Variants in MYO3B observed in about 807,000 individuals in gnomAD.
MYO3B encodes the protein myosin IIIB.
MYO3B carries 156 observed loss-of-function variants against 174.6 expected under a neutral mutation model. That is an observed-to-expected ratio of 0.89 (90% CI 0.78 to 1.02). The LOEUF (loss-of-function observed/expected upper bound fraction) is 1.02, where lower values mean the gene tolerates loss of function less well. Ranked by LOEUF, MYO3B falls within the 50% of genes least tolerant of loss-of-function variation. The pLI, the probability that MYO3B is intolerant of heterozygous loss-of-function variation, is 0.00. For missense variants in MYO3B, 1,632 were observed against 1,639.4 expected, an observed-to-expected ratio of 1.00 and a Z score of 0.08; for synonymous variants, 563 against 569.1, an observed-to-expected ratio of 0.99 and a Z score of 0.15.
At chr2:170,306,501 G>A (rs2093701624) in intron 7 of MYO3B, among the ~76,000 whole-genome samples, 1 of 152,098 alleles carries the variant, frequency 6.6e-6, no homozygotes, top group Admixed American at 6.6e-5. Flanking sequence ...AGTGTGTGTG[G>A]GTGATGATAT....
intron 32 of MYO3B, among the ~76,000 whole-genome samples, chr2:170,599,173 C>G (rs11892134): frequency 0.028 from 4,258 of 152,276 alleles, 154 homozygotes; most frequent in African/African-American, 0.087. Flanking sequence ...TCATTGTGTT[C>G]CTAGTCATTC....
At chr2:170,615,349 C>G (rs1168924893) in intron 32 of MYO3B, among the ~76,000 whole-genome samples, 2 of 152,206 alleles carry the variant, frequency 1.3e-5, no homozygotes, top group Non-Finnish European at 2.9e-5. Flanking sequence ...AAGAAAATCA[C>G]TTGTATAGAA....
intron 8 of MYO3B, among the ~76,000 whole-genome samples, chr2:170,364,988 C>G (rs955306600): frequency 4.6e-5 from 7 of 152,202 alleles, no homozygotes; most frequent in African/African-American, 1.7e-4. Context: ...CATTGCCGGT[C>G]TGGCTCCCCA....
At chr2:170,406,663 A>G (rs753283062) in intron 21 of MYO3B, among the ~76,000 whole-genome samples, 1 of 138,896 alleles carries the variant, frequency 7.2e-6, no homozygotes, top group Non-Finnish European at 1.6e-5. Context: ...TTTTATAACT[A>G]TGTCCTACCC....
chr2:170,197,691 G>A (rs1018518233), intron 1 of MYO3B, among the ~76,000 whole-genome samples: 24 of 150,428 alleles, frequency 1.6e-4, no homozygotes, highest in African/African-American at 5.2e-4. Flanking sequence ...AAACAAATTC[G>A]GAACCTCCAG....
intron 29 of MYO3B, among the ~76,000 whole-genome samples, chr2:170,519,036 C>G (rs555501085): frequency 6.6e-6 from 1 of 152,304 alleles, no homozygotes; most frequent in Admixed American, 6.5e-5. Context: ...ACATTTTGCT[C>G]CTTGCCCTAT....
intron 25 of MYO3B, among the ~76,000 whole-genome samples, chr2:170,495,478 CA>C (rs1686805815): frequency 6.6e-6 from 1 of 151,830 alleles, no homozygotes; most frequent in Non-Finnish European, 1.5e-5. Context: ...ATATTATTAT[CA>C]TAATAAATTA....
At chr2:170,479,040 T>C (rs1207528954) in intron 25 of MYO3B, among the ~76,000 whole-genome samples, 1 of 150,448 alleles carries the variant, frequency 6.6e-6, no homozygotes, top group African/African-American at 2.4e-5. Flanking sequence ...TCCCAACACT[T>C]TGGGAGGCCG....
At chr2:170,283,861 T>C (rs2093533107) in intron 7 of MYO3B, among the ~76,000 whole-genome samples, 2 of 152,374 alleles carry the variant, frequency 1.3e-5, no homozygotes, top group South Asian at 4.1e-4. Context: ...ATAAGTTGCA[T>C]ACTGATTCTG....
At chr2:170,308,172 T>C (rs189718493) in intron 7 of MYO3B, among the ~76,000 whole-genome samples, 145 of 152,304 alleles carry the variant, frequency 9.5e-4, no homozygotes, top group Admixed American at 3.3e-3. Flanking sequence ...AACCCCATTG[T>C]CTCAGAACAT....
chr2:170,180,760 G>A (rs1285767978), intron 1 of MYO3B, among the ~76,000 whole-genome samples: 1 of 152,066 alleles, frequency 6.6e-6, no homozygotes, highest in Non-Finnish European at 1.5e-5. Context: ...CTGGAAAAAT[G>A]TATATAAGGA....
At position 170,183,339 on chromosome 2, in the gene MYO3B, G is replaced by C. The variant is rs139980472; in HGVS notation, c.2+5050G>C. Among the ~76,000 whole-genome samples the C allele has an allele frequency of 1.5e-3, 221 of 152,226 alleles. 2 individuals carry two copies. Among genetic ancestry groups the C allele is most frequent in the African/African-American group, 4.9e-3 (204 of 41,540 alleles). Reference sequence around the variant, plus strand: ...GTAAGGTTTTCTATCCAAGCATAAGGTATATGGTTTTGCATTTTTTTGGTC... The same window carrying C: ...GTAAGGTTTTCTATCCAAGCATAAGCTATATGGTTTTGCATTTTTTTGGTC... On this transcript the variant is annotated intron_variant, in intron 1 of 34. Transcript: ENST00000408978.
At chr2:170,224,059 G>A (rs1317652744) in intron 6 of MYO3B, among the ~76,000 whole-genome samples, 1 of 152,192 alleles carries the variant, frequency 6.6e-6, no homozygotes, top group Non-Finnish European at 1.5e-5. Flanking sequence ...GACAAGCAGG[G>A]ATGGCCAGTG....
intron 32 of MYO3B, among the ~76,000 whole-genome samples, chr2:170,587,933 T>C (rs538356434): frequency 1.3e-4 from 20 of 152,326 alleles, no homozygotes; most frequent in Admixed American, 3.3e-4. Flanking sequence ...GAGCAAATTT[T>C]CAGTATGGAT....
At chr2:170,513,869 G>A (rs934860) in intron 28 of MYO3B, among the ~76,000 whole-genome samples, 1 of 151,872 alleles carries the variant, frequency 6.6e-6, no homozygotes, top group Non-Finnish European at 1.5e-5. Context: ...ACCAGAAGGA[G>A]GGAGAAAGAC....
chr2:170,545,651 T>C (rs1690432357), intron 32 of MYO3B, among the ~76,000 whole-genome samples: 1 of 152,192 alleles, frequency 6.6e-6, no homozygotes, highest in Admixed American at 6.5e-5. Flanking sequence ...GAAAGTATCT[T>C]AAAAAGTCAA....
At chr2:170,603,495 G>A (rs73978734) in intron 32 of MYO3B, among the ~76,000 whole-genome samples, 4,652 of 152,038 alleles carry the variant, frequency 0.031, 257 homozygotes, top group African/African-American at 0.11. Flanking sequence ...CATTATTCCT[G>A]TGGCATTGAT....
At chr2:170,300,442 G>C (rs916908643) in intron 7 of MYO3B, among the ~76,000 whole-genome samples, 7 of 152,042 alleles carry the variant, frequency 4.6e-5, no homozygotes, top group Admixed American at 3.3e-4. Flanking sequence ...CCTTATTATA[G>C]TGCATATATT....
chr2:170,510,557 T>G (rs139625309), intron 28 of MYO3B, among the ~76,000 whole-genome samples: 29 of 152,314 alleles, frequency 1.9e-4, no homozygotes, highest in Admixed American at 4.6e-4. Flanking sequence ...AACCTCAGAA[T>G]GTGACTTTAG....
Sources: gnomAD v4.1 joint callset for allele counts (sites outside exome capture counted in the v4.1 genomes callset) on GRCh38, gnomAD v4.1.1 for gene constraint, MANE v1.5 for transcripts, NCBI Gene and HGNC (gene_info 2026-07-23, HGNC 2026-07-21) for gene names.